The following MAP3K20 variants were observed in gnomAD, a reference collection of about 807,000 sequenced individuals.
MAP3K20 encodes the protein HCCS-4.
Under a neutral mutation model 85.7 loss-of-function variants are expected in MAP3K20, and 40 were observed. That is an observed-to-expected ratio of 0.47 (90% CI 0.36 to 0.61). MAP3K20 has a LOEUF of 0.61. Among genes scored for constraint, MAP3K20 ranks in the 20% least tolerant of loss-of-function variants. The pLI is 0.00. For synonymous variants in MAP3K20, 325 were observed against 327.7 expected, an observed-to-expected ratio of 0.99 and a Z score of 0.09; for missense variants, 817 against 961.7, an observed-to-expected ratio of 0.85 and a Z score of 1.99.
chr2:173,179,702 G>GCACACACACACA (rs1491499756), intron 3 of MAP3K20, among the ~76,000 whole-genome samples: 136 of 76,154 alleles, frequency 1.8e-3, no homozygotes, highest in African/African-American at 6.5e-3. Context: ...CCTAAGGAAT[G>GCACACACACACA]CGCACACACA....
intron 2 of MAP3K20, among the ~76,000 whole-genome samples, chr2:173,132,747 A>G (rs937300073): frequency 3.9e-5 from 6 of 152,144 alleles, no homozygotes; most frequent in Non-Finnish European, 8.8e-5. Context: ...CAGCTGTACC[A>G]CTTGTTAGCT....
At chr2:173,264,581 C>T (rs1685369240) in intron 19 of MAP3K20, among the ~76,000 whole-genome samples, 1 of 152,198 alleles carries the variant, frequency 6.6e-6, no homozygotes, top group Non-Finnish European at 1.5e-5. Flanking sequence ...CGTTCCTAAA[C>T]ATAGCATGAG....
intron 16 of MAP3K20, among the ~76,000 whole-genome samples, chr2:173,254,394 A>C (rs1368383648): frequency 6.8e-6 from 1 of 147,084 alleles, no homozygotes; most frequent in Non-Finnish European, 1.5e-5. Context: ...AGATTGTGCC[A>C]CTGCACTCCA....
intron 2 of MAP3K20, among the ~76,000 whole-genome samples, chr2:173,100,948 C>T (rs1174955817): frequency 6.6e-6 from 1 of 152,152 alleles, no homozygotes; most frequent in Non-Finnish European, 1.5e-5. Flanking sequence ...TTACTGGGAG[C>T]TTGTAATCTA....
chr2:173,177,018 C>T (rs1690179989), intron 3 of MAP3K20, among the ~76,000 whole-genome samples: 1 of 152,150 alleles, frequency 6.6e-6, no homozygotes, highest in South Asian at 2.1e-4. Flanking sequence ...GAAATGTATA[C>T]ACACCTAAAA....
At chr2:173,105,716 C>T (rs955617691) in intron 2 of MAP3K20, among the ~76,000 whole-genome samples, 1 of 152,034 alleles carries the variant, frequency 6.6e-6, no homozygotes, top group African/African-American at 2.4e-5. Context: ...AGGCAATATT[C>T]AGAGACAAAA....
At chr2:173,195,564 C>A (rs534138208) in intron 7 of MAP3K20, among the ~76,000 whole-genome samples, 1 of 152,272 alleles carries the variant, frequency 6.6e-6, no homozygotes, top group Non-Finnish European at 1.5e-5. Context: ...TTTTAGGCAT[C>A]ATTTAATATA....
chr2:173,196,774 C>T (rs780086253), intron 7 of MAP3K20, among the ~76,000 whole-genome samples: 14 of 152,080 alleles, frequency 9.2e-5, no homozygotes, highest in Non-Finnish European at 1.5e-4. Context: ...GAGTCGAAGC[C>T]ACTGGTTCTC....
intron 2 of MAP3K20, among the ~76,000 whole-genome samples, chr2:173,141,609 A>G (rs1416231371): frequency 2.0e-5 from 3 of 152,156 alleles, no homozygotes; most frequent in Non-Finnish European, 4.4e-5. Context: ...GGAATCACAG[A>G]AAGAAAGGAG....
chr2:173,261,966 G>A (rs905520158), intron 18 of MAP3K20, among the ~76,000 whole-genome samples: 4 of 150,124 alleles, frequency 2.7e-5, no homozygotes, highest in Non-Finnish European at 3.0e-5. Flanking sequence ...GCAGTGAGCC[G>A]AGATCACACC....
At chr2:173,111,930 T>C (rs1173567885) in intron 2 of MAP3K20, among the ~76,000 whole-genome samples, 2 of 152,152 alleles carry the variant, frequency 1.3e-5, no homozygotes, top group Non-Finnish European at 2.9e-5. Flanking sequence ...TTTAGAATTG[T>C]TTTTTCTAAT....
chr2:173,125,529 CTT>C (rs1331201984), intron 2 of MAP3K20, among the ~76,000 whole-genome samples: 1 of 151,366 alleles, frequency 6.6e-6, no homozygotes, highest in African/African-American at 2.4e-5. Context: ...TTAAATAAAA[CTT>C]TACTTTATTG....
chr2:173,088,135 AT>A (rs1242993033), intron 1 of MAP3K20, among the ~76,000 whole-genome samples: 3 of 152,222 alleles, frequency 2.0e-5, no homozygotes, highest in Non-Finnish European at 4.4e-5. Flanking sequence ...GGAGAGATTA[AT>A]GGGGGGAATG....
At chr2:173,093,795 G>A (rs912549187) in intron 2 of MAP3K20, among the ~76,000 whole-genome samples, 8 of 151,968 alleles carry the variant, frequency 5.3e-5, no homozygotes, top group Admixed American at 1.3e-4. Flanking sequence ...ATACACCATG[G>A]AATACTATGC....
Position 173,228,684 on chromosome 2 carries a change from C to T in MAP3K20, c.988-1005C>T, listed in dbSNP as rs370736311. Among the ~76,000 whole-genome samples, 49 of 152,292 alleles carry T rather than the reference C, an allele frequency of 3.2e-4. No individual in the cohort carries two copies. The East Asian group carries it at 6.7e-3, about 21-fold the overall frequency. ...GTATTAGTCCCAGTTAAATTGAAAG[C>T]TCCTTGAAGGCAGGGGCTGTGCCTT... On this transcript the variant is annotated intron_variant, in intron 11 of 19. Transcript: ENST00000375213.
At chr2:173,080,843 A>G (rs552146093) in intron 1 of MAP3K20, among the ~76,000 whole-genome samples, 2 of 152,212 alleles carry the variant, frequency 1.3e-5, no homozygotes, top group Non-Finnish European at 2.9e-5. Flanking sequence ...AACCATTTTT[A>G]TAGCTAATTT....
chr2:173,134,897 G>A (rs1289794429), intron 2 of MAP3K20, among the ~76,000 whole-genome samples: 1 of 152,078 alleles, frequency 6.6e-6, no homozygotes, highest in East Asian at 1.9e-4. Flanking sequence ...GGATTCGGGC[G>A]TCAGACCCAT....
At chr2:173,094,085 C>T (rs1387662478) in intron 2 of MAP3K20, among the ~76,000 whole-genome samples, 34 of 142,928 alleles carry the variant, frequency 2.4e-4, no homozygotes, top group East Asian at 8.1e-4. Flanking sequence ...CACGTGTATA[C>T]ATATGTAACT....
At chr2:173,107,756 TA>T (rs1167486648) in intron 2 of MAP3K20, among the ~76,000 whole-genome samples, 4 of 152,120 alleles carry the variant, frequency 2.6e-5, no homozygotes, top group Non-Finnish European at 4.4e-5. Flanking sequence ...ATGCAGATAA[TA>T]ATAGAGTCCA....
Sources: allele counts gnomAD v4.1 joint callset (sites outside exome capture counted in the v4.1 genomes callset), GRCh38; gene constraint gnomAD v4.1.1; transcripts MANE v1.5; gene names NCBI Gene and HGNC (gene_info 2026-07-23, HGNC 2026-07-21).